Variants in FMN2 observed in about 807,000 individuals in gnomAD.
FMN2 encodes the protein formin-2.
In FMN2, 51 loss-of-function variants were observed where a neutral mutation model predicts 142.3. That is an observed-to-expected ratio of 0.36 (90% CI 0.29 to 0.45). The LOEUF is 0.45. FMN2 is among the 20% of genes least tolerant of loss of function. The pLI is 1.00. For missense variants in FMN2, 1,936 were observed against 2,122.8 expected, an observed-to-expected ratio of 0.91 and a Z score of 1.73; for synonymous variants, 882 against 869.8, an observed-to-expected ratio of 1.01 and a Z score of -0.25.
intron 7 of FMN2, among the ~76,000 whole-genome samples, chr1:240,271,954 C>T (rs1480415857): frequency 6.6e-6 from 1 of 152,004 alleles, no homozygotes; most frequent in Non-Finnish European, 1.5e-5. Flanking sequence ...TGACATTGTT[C>T]CATAGTTGGA....
chr1:240,456,183 C>G (rs1274869151), intron 16 of FMN2, among the ~76,000 whole-genome samples: 1 of 151,934 alleles, frequency 6.6e-6, no homozygotes, highest in Non-Finnish European at 1.5e-5. Context: ...ATTTTATAGT[C>G]CAGACCCATA....
intron 14 of FMN2, among the ~76,000 whole-genome samples, chr1:240,380,534 T>C (rs1358637857): frequency 6.6e-6 from 1 of 151,882 alleles, no homozygotes; most frequent in Non-Finnish European, 1.5e-5. Context: ...AGTGGGAAAA[T>C]ATTTCCACTT....
chr1:240,360,603 G>A (rs1183395125), intron 14 of FMN2, among the ~76,000 whole-genome samples: 1 of 152,122 alleles, frequency 6.6e-6, no homozygotes, highest in Non-Finnish European at 1.5e-5. Context: ...CCTATGGCGA[G>A]GACAAGTCTT....
At chr1:240,406,262 G>A (rs1216683140) in intron 15 of FMN2, among the ~76,000 whole-genome samples, 2 of 94,642 alleles carry the variant, frequency 2.1e-5, no homozygotes, top group Non-Finnish European at 4.5e-5. Flanking sequence ...CTCGGGAGTC[G>A]GGGGAGCGAA....
chr1:240,132,672 G>A (rs953125252), intron 2 of FMN2, among the ~76,000 whole-genome samples: 1 of 152,162 alleles, frequency 6.6e-6, no homozygotes, highest in Admixed American at 6.5e-5. Context: ...CTGTGATGAG[G>A]AGGGGTAGAT....
At chr1:240,173,680 G>A (rs770105812) in intron 2 of FMN2, among the ~76,000 whole-genome samples, 5 of 152,040 alleles carry the variant, frequency 3.3e-5, no homozygotes, top group African/African-American at 4.8e-5. Context: ...CTGCAGACAC[G>A]GAGGAACCAT....
In FMN2 at chr1:240,306,044, G is replaced by T. The variant is rs113806717; in HGVS notation, c.4215+11161G>T. 8.2e-3 allele frequency among the ~76,000 whole-genome samples: 1,242 copies of T among 151,112 alleles called. 16 individuals are homozygous for T. The highest frequency in any genetic ancestry group is 0.027 in the African/African-American group (1,097 of 41,034). On this transcript the variant is annotated intron_variant, in intron 8 of 17. Transcript: ENST00000319653. The stretch of plus-strand genomic sequence containing the variant: ...GGCTCACTGCAACCTCCACCTCCTG[G>T]GTTCAAGTGATTCTCCTGCCTCAAC...
intron 13 of FMN2, among the ~76,000 whole-genome samples, chr1:240,348,751 C>G (rs1404573017): frequency 6.6e-6 from 1 of 152,128 alleles, no homozygotes; most frequent in African/African-American, 2.4e-5. Context: ...CTGTATCTTC[C>G]CTTGTCTGAA....
chr1:240,143,397 C>A lies in FMN2; in HGVS notation c.1782+20052C>A, dbSNP rs866871694. 1.9e-5 allele frequency: 27 copies of A among 1,431,662 alleles called. No homozygotes were observed. In the Middle Eastern group the frequency reaches 2.1e-3, roughly 111 times the overall value. The allele number at this position is 1,431,662 out of a possible 1,614,324, so 88.7% of individuals were successfully genotyped here. ...GTGCCGTCTCTGCACCAATCTCCCC[C>A]ACAGCAATAAGGGCAATCCCCAGAA... On this transcript the variant is annotated intron_variant, in intron 2 of 17. Transcript: ENST00000319653.
At chr1:240,251,396 G>A (rs1437144282) in intron 6 of FMN2, among the ~76,000 whole-genome samples, 1 of 151,932 alleles carries the variant, frequency 6.6e-6, no homozygotes, top group Non-Finnish European at 1.5e-5. Flanking sequence ...AGTTCCTCTT[G>A]TTGCTGATTT....
chr1:240,435,359 C>T (rs59957869), intron 15 of FMN2, among the ~76,000 whole-genome samples: 5,089 of 150,984 alleles, frequency 0.034, 282 homozygotes, highest in African/African-American at 0.12. Flanking sequence ...TCACTAGTAT[C>T]AGAAGCTTTT....
chr1:240,310,806 T>C (rs1249205174), intron 8 of FMN2, among the ~76,000 whole-genome samples: 1 of 152,170 alleles, frequency 6.6e-6, no homozygotes, highest in Non-Finnish European at 1.5e-5. Flanking sequence ...TACTCATTTT[T>C]TTAAGTGTGT....
chr1:240,149,906 GT>G (rs199617960), intron 2 of FMN2, among the ~76,000 whole-genome samples: 3 of 151,866 alleles, frequency 2.0e-5, no homozygotes, highest in South Asian at 2.1e-4. Flanking sequence ...TAGCATTTGT[GT>G]TTTTTTTCCC....
rs559099954 is a variant in FMN2, at chr1:240,211,233, C to G, written c.4063C>G (p.Gln1355Glu). The G allele has an allele frequency of 1.5e-5, 24 of 1,610,714 alleles. No individual in the cohort carries two copies. The Admixed American group carries it at 2.0e-4, about 14-fold the overall frequency. ...SDTISKTKAK[Q>E]VVKLLSNKRS... is the part of the protein sequence containing the mutation. ...TACTATCTCAAAGACGAAGGCTAAA[C>G]AAGTGAGTATTTTTGTGCTTTATGA... Residue 1355 changes from glutamine (Q) to glutamate (E), a missense_variant and splice_region_variant, in exon 6 of 18, where the codon CAA becomes GAA. Physicochemically the swap from Gln to Glu is conservative, Grantham distance 29 (BLOSUM62 2). Around this residue, in one of 8 missense-constraint regions of FMN2, gnomAD observed 259 missense variants for 230.9 expected, o/e 1.12. Coordinates refer to ENST00000319653, the MANE Select transcript of FMN2 (RefSeq NM_020066.5).
chr1:240,391,435 ATT>A (rs5782140), intron 14 of FMN2, among the ~76,000 whole-genome samples: 1 of 151,842 alleles, frequency 6.6e-6, no homozygotes, highest in African/African-American at 2.4e-5. Context: ...CACAGTTCCC[ATT>A]TTTTTTATAA....
chr1:240,334,124 C>T lies in FMN2; in HGVS notation c.4660C>T (p.Gln1554Ter). 2 of 1,599,868 alleles carry T rather than the reference C, an allele frequency of 1.3e-6. No individual in the cohort carries two copies. The highest frequency in any genetic ancestry group is 1.8e-5 in the Admixed American group (1 of 56,184). The part of the protein sequence containing the change: ...RNFDEDAGKE[Q>*]CLFPLPEPQD... Reference sequence around the variant, plus strand: ...TGTTCATTAGGATGCTGGAAAAGAACAGTGCCTCTTTCCACTGCCAGAACC... The same window carrying T: ...TGTTCATTAGGATGCTGGAAAAGAATAGTGCCTCTTTCCACTGCCAGAACC... Residue 1554 changes from glutamine to a stop codon, truncating the protein, a stop_gained, in exon 13 of 18, where the codon CAG becomes TAG. Transcript: ENST00000319653. LOFTEE classifies it high-confidence loss of function.
chr1:240,382,362 G>T (rs1390263347), intron 14 of FMN2, among the ~76,000 whole-genome samples: 1 of 152,110 alleles, frequency 6.6e-6, no homozygotes, highest in African/African-American at 2.4e-5. Flanking sequence ...TCTGACTCAT[G>T]GATCAGAAGA....
intron 4 of FMN2, among the ~76,000 whole-genome samples, chr1:240,204,703 A>G (rs1666258714): frequency 6.6e-6 from 1 of 152,190 alleles, no homozygotes; most frequent in Non-Finnish European, 1.5e-5. Flanking sequence ...GTGAGCTCAG[A>G]TCACGCTATT....
intron 14 of FMN2, among the ~76,000 whole-genome samples, chr1:240,363,865 G>T (rs1672573579): frequency 6.6e-6 from 1 of 152,004 alleles, no homozygotes; most frequent in South Asian, 2.1e-4. Flanking sequence ...GTGTCCCCAT[G>T]CTGGTCATGC....
Sources: gnomAD v4.1 joint callset for allele counts (sites outside exome capture counted in the v4.1 genomes callset) on GRCh38, gnomAD v4.1.1 for gene constraint, gnomAD v4.1.1 regional missense constraint, MANE v1.5 for transcripts, NCBI Gene and HGNC (gene_info 2026-07-23, HGNC 2026-07-21) for gene names.